Variants in CARD19 observed in about 807,000 individuals in gnomAD.
The protein encoded by CARD19 is caspase recruitment domain family member 19, also known as caspase recruitment domain-containing protein 19.
In CARD19, 25 loss-of-function variants were observed where a neutral mutation model predicts 24.1. The ratio of observed to expected loss-of-function variants is 1.04; its 90% CI spans 0.76 to 1.45. CARD19 has a LOEUF of 1.45. Among genes scored for constraint, CARD19 ranks in the 40% most tolerant of loss-of-function variants. The probability of loss-of-function intolerance (pLI) is 0.00; values close to 1 mark genes in which losing one functional copy is unlikely to be tolerated. For missense variants in CARD19, 241 were observed against 247.4 expected (o/e 0.97, Z 0.17); for synonymous variants, 103 against 104.9 (o/e 0.98, Z 0.11).
chr9:93,102,123 G>A lies in CARD19; in HGVS notation c.8-5551G>A, dbSNP rs1328843123. Among the ~76,000 whole-genome samples the A allele has an allele frequency of 4.0e-5, 6 of 151,882 alleles. No individual in the cohort carries two copies. The East Asian group carries it at 5.8e-4, about 15-fold the overall frequency. On this transcript the variant is annotated intron_variant, in intron 1 of 5. Transcript: ENST00000375464. Reference sequence around the variant, plus strand: ...ATTACAGGCACGCACCACCATGCCCGACTAATTTTTGTATTTTTAGTAGAG... The same window carrying A: ...ATTACAGGCACGCACCACCATGCCCAACTAATTTTTGTATTTTTAGTAGAG...
intron 1 of CARD19, among the ~76,000 whole-genome samples, chr9:93,098,410 G>A (rs1276742100): frequency 1.3e-5 from 2 of 152,242 alleles, no homozygotes; most frequent in Admixed American, 1.3e-4. Flanking sequence ...TTGAATGCCA[G>A]GCTGAGGGCA....
chr9:93,103,730 G>A (rs1312498735), intron 1 of CARD19, among the ~76,000 whole-genome samples: 1 of 152,226 alleles, frequency 6.6e-6, no homozygotes, highest in Non-Finnish European at 1.5e-5. Flanking sequence ...CCAAGATCAG[G>A]GAGCTAGCAT....
At chr9:93,111,125 C>T (rs1176329708) in intron 3 of CARD19, 4 of 1,251,444 alleles carry the variant, frequency 3.2e-6, no homozygotes, top group African/African-American at 1.5e-5. Context: ...CTGGAATTAC[C>T]CAACCCCATG....
chr9:93,112,149 GC>G, intron 4 of CARD19, 68 bp from the exon 5 acceptor site: 4 of 1,472,000 alleles, frequency 2.7e-6, no homozygotes, highest in Non-Finnish European at 9.2e-7. Flanking sequence ...CCCCTGCGCA[GC>G]CCCCAGGCCT....
At position 93,110,669 on chromosome 9, in the gene CARD19, G is replaced by A. The variant is rs1217230213; in HGVS notation, c.252G>A (p.Leu84=). 1 of 1,613,308 alleles carries A rather than the reference G, an allele frequency of 6.2e-7. No individual in the cohort carries two copies. Among genetic ancestry groups the A allele is most frequent in the Non-Finnish European group, 8.5e-7 (1 of 1,180,024 alleles). The part of the protein sequence containing the change: ...ERDCQEFYRA[L]YIHAQPLHSR... ...ACTGCCAGGAGTTCTACCGAGCCCT[G>A]TATATCCATGCCCAGCCCCTGCACA... Residue 84 remains leucine, a synonymous_variant, in exon 3 of 6, where the codon CTG becomes CTA. Coordinates refer to ENST00000375464, the MANE Select transcript of CARD19 (RefSeq NM_032310.5).
At chr9:93,106,160 G>C (rs954630687) in intron 1 of CARD19, among the ~76,000 whole-genome samples, 3 of 151,526 alleles carry the variant, frequency 2.0e-5, no homozygotes, top group South Asian at 2.1e-4. Flanking sequence ...TATTTGTATG[G>C]GTTTTTTTTA....
In CARD19 at chr9:93,096,251, G is replaced by C; in HGVS notation, c.-95G>C. The C allele has an allele frequency of 1.7e-6, 2 of 1,195,500 alleles. No homozygotes were observed. Among genetic ancestry groups the C allele is most frequent in the Non-Finnish European group, 2.1e-6 (2 of 957,786 alleles). The allele number at this position is 1,195,500 out of a possible 1,614,324, so 74.1% of individuals were successfully genotyped here. On this transcript the variant is annotated 5_prime_UTR_variant, in exon 1 of 6. Transcript: ENST00000375464. The surrounding 1 kb of genome is among the most constrained non-coding windows in gnomAD (Gnocchi z 5.4). ...CGGGCGAGCACGGCCCGCGGGCGGC[G>C]TTCGCTGGAGCTGGTGGACCGGGCG...
rs527392910 is a variant in CARD19 at position 93,113,140 on chromosome 9, C to G, written c.*33C>G. 15 of 1,441,938 alleles carry G rather than the reference C, an allele frequency of 1.0e-5. No homozygotes were observed. The African/African-American group carries it at 2.0e-4, about 19-fold the overall frequency. The allele number at this position is 1,441,938 out of a possible 1,614,324, so 89.3% of individuals were successfully genotyped here. Reference sequence around the variant, plus strand: ...TGGACCCAGGGCCTCACCTGCCACTCAACCAAAGAGTCCTCGAGCCGGCCC... The same window carrying G: ...TGGACCCAGGGCCTCACCTGCCACTGAACCAAAGAGTCCTCGAGCCGGCCC... On this transcript the variant is annotated 3_prime_UTR_variant, in exon 6 of 6. Transcript: ENST00000375464.
intron 1 of CARD19, among the ~76,000 whole-genome samples, chr9:93,099,032 G>A (rs1826985703): frequency 6.6e-6 from 1 of 151,892 alleles, no homozygotes; most frequent in African/African-American, 2.4e-5. Context: ...CTCCTGAGTA[G>A]CTGGCTCAGC....
At chr9:93,097,240 C>T (rs1204728156) in intron 1 of CARD19, among the ~76,000 whole-genome samples, 1 of 152,024 alleles carries the variant, frequency 6.6e-6, no homozygotes, top group East Asian at 1.9e-4. Flanking sequence ...CCCCAGAAGT[C>T]CCTAGTCCTC....
At chr9:93,112,177 TGAGGCCCAGGG>T in intron 4 of CARD19, 30 bp from the exon 5 acceptor site, 2 of 1,535,686 alleles carry the variant, frequency 1.3e-6, no homozygotes, top group Non-Finnish European at 1.8e-6. Context: ...CCCACCCCTC[TGAGGCCCAGGG>T]GAGCCCTGTT....
intron 2 of CARD19, among the ~76,000 whole-genome samples, chr9:93,108,151 G>A (rs927221327): frequency 1.5e-4 from 23 of 152,156 alleles, no homozygotes; most frequent in African/African-American, 5.1e-4. Flanking sequence ...TATAAGATAC[G>A]GAGGGAGGCG....
intron 2 of CARD19, among the ~76,000 whole-genome samples, chr9:93,109,715 C>T (rs1347983649): frequency 6.6e-6 from 1 of 152,160 alleles, no homozygotes; most frequent in Non-Finnish European, 1.5e-5. Context: ...CCTGATCCGC[C>T]TGCCTCAGCC....
At chr9:93,099,788 G>C (rs1017432502) in intron 1 of CARD19, among the ~76,000 whole-genome samples, 1 of 152,234 alleles carries the variant, frequency 6.6e-6, no homozygotes, top group South Asian at 2.1e-4. Context: ...GTGCAGGTGA[G>C]GGCTGAGCCA....
chr9:93,112,078 C>G (rs1827513989), intron 4 of CARD19, 140 bp downstream of exon 4: 1 of 1,330,736 alleles, frequency 7.5e-7, no homozygotes, highest in South Asian at 1.3e-5. Context: ...GTGACAGACC[C>G]CCCCCCTAAG....
intron 2 of CARD19, 113 bp downstream of exon 2, chr9:93,107,929 G>T: frequency 1.5e-6 from 2 of 1,333,108 alleles, no homozygotes; most frequent in South Asian, 2.7e-5. Context: ...TGACACACTA[G>T]GTATGTCAGG....
intron 3 of CARD19, chr9:93,111,564 G>T: frequency 8.0e-7 from 1 of 1,256,674 alleles, no homozygotes; most frequent in Non-Finnish European, 1.0e-6. Context: ...CCTGCAGGTG[G>T]GACTGGCTCT....
intron 1 of CARD19, among the ~76,000 whole-genome samples, chr9:93,105,171 TGTGTGTGCACGCGC>T (rs1383792384): frequency 7.1e-6 from 1 of 139,868 alleles, no homozygotes; most frequent in African/African-American, 2.8e-5. Flanking sequence ...GGTGTGTGTG[TGTGTGTGCACGCGC>T]GTGTGTGTGT....
At chr9:93,103,090 T>A (rs541975722) in intron 1 of CARD19, among the ~76,000 whole-genome samples, 20 of 152,340 alleles carry the variant, frequency 1.3e-4, no homozygotes, top group African/African-American at 4.6e-4. Context: ...TACTTCTTCC[T>A]TTACAATTTG....
Sources: allele counts gnomAD v4.1 joint callset (sites outside exome capture counted in the v4.1 genomes callset), GRCh38; gene constraint gnomAD v4.1.1; non-coding constraint Gnocchi (gnomAD v3.1); transcripts MANE v1.5; gene names NCBI Gene and HGNC (gene_info 2026-07-23, HGNC 2026-07-21).